Variants in ADAM11 observed in about 807,000 individuals in gnomAD.
The protein encoded by ADAM11 is disintegrin and metalloproteinase domain-containing protein 11.
A neutral mutation model predicts 119.1 loss-of-function variants in ADAM11; 49 were observed. That is an observed-to-expected ratio of 0.41 (90% CI 0.33 to 0.52). ADAM11 has a LOEUF of 0.52. Ranked by LOEUF, ADAM11 falls within the 20% of genes least tolerant of loss-of-function variation. The pLI is 0.20. For missense variants in ADAM11, 777 were observed against 1,047.5 expected (o/e 0.74, Z 3.56); for synonymous variants, 364 against 408.0 (o/e 0.89, Z 1.30).
At chr17:44,765,610 C>CTCTT (rs2049439181) in intron 2 of ADAM11, among the ~76,000 whole-genome samples, 2 of 99,874 alleles carry the variant, frequency 2.0e-5, no homozygotes, top group African/African-American at 8.0e-5. Flanking sequence ...TTTCTTTTCT[C>CTCTT]TTTTTTTTTT....
intron 2 of ADAM11, 97 bp from the exon 3 acceptor site, chr17:44,769,621 A>AAC: frequency 1.4e-5 from 10 of 704,840 alleles, no homozygotes; most frequent in Admixed American, 8.9e-5. Flanking sequence ...AGGGCTGGCC[A>AAC]CCCCTTCCCC....
intron 2 of ADAM11, among the ~76,000 whole-genome samples, chr17:44,762,730 C>T (rs1448465341): frequency 6.6e-6 from 1 of 152,084 alleles, no homozygotes; most frequent in African/African-American, 2.4e-5. Context: ...ATCTCAGTCC[C>T]ACCTACTACC....
intron 11 of ADAM11, 142 bp from the exon 12 acceptor site, chr17:44,774,153 G>A: frequency 2.0e-6 from 1 of 506,524 alleles, no homozygotes; most frequent in African/African-American, 2.0e-5. Context: ...GGTCTTGCCT[G>A]GGGTCACCAA....
At position 44,772,663 on chromosome 17, in the gene ADAM11, C is replaced by T. The variant is rs2049541650; in HGVS notation, c.679-194C>T. ...CTAATGCTGGCATCTACAGAGGCCC[C>T]ATCCTGGGCAAACCGAGGCTGCCTG... On this transcript the variant is annotated intron_variant, in intron 8 of 26. Coordinates refer to ENST00000200557, the MANE Select transcript of ADAM11 (RefSeq NM_002390.6). The surrounding 1 kb of genome is among the most constrained non-coding windows in gnomAD (Gnocchi z 4.5). Among the ~76,000 whole-genome samples, 1 of 152,180 alleles carries T rather than the reference C, an allele frequency of 6.6e-6. No individual in the cohort carries two copies. Among genetic ancestry groups the T allele is most frequent in the African/African-American group, 2.4e-5 (1 of 41,454 alleles).
In ADAM11 at chr17:44,766,745, C is replaced by T. The variant is rs571533925; in HGVS notation, c.238-2973C>T. On this transcript the variant is annotated intron_variant, in intron 2 of 26. Coordinates refer to ENST00000200557, the MANE Select transcript of ADAM11 (RefSeq NM_002390.6). ...TGGAGCATGTGAGAGCCTGGGCAGC[C>T]GGGGGAGCAAGAGACAAGTGCAGGG... 3.3e-5 allele frequency among the ~76,000 whole-genome samples: 5 copies of T among 151,932 alleles called. No individual in the cohort carries two copies. In the South Asian group the frequency reaches 6.2e-4, roughly 19 times the overall value.
intron 26 of ADAM11, 133 bp from the exon 27 acceptor site, chr17:44,779,606 A>G (rs1216801058): frequency 1.3e-6 from 2 of 1,486,356 alleles, no homozygotes; most frequent in East Asian, 2.4e-5. Context: ...GACCTCCCGC[A>G]GATCCCTTCC....
chr17:44,776,399 AC>A lies in ADAM11; in HGVS notation c.1566+194del, dbSNP rs1310108566. Among the ~76,000 whole-genome samples the A allele has an allele frequency of 2.0e-5, 3 of 152,048 alleles. No homozygotes were observed. In the East Asian group the frequency reaches 5.8e-4, roughly 29 times the overall value. On this transcript the variant is annotated intron_variant, in intron 18 of 26. Coordinates refer to ENST00000200557, the MANE Select transcript of ADAM11 (RefSeq NM_002390.6). This position sits in a 1 kb window ranked among gnomAD's most constrained non-coding sequence, Gnocchi z 5.2. ...CTGGCCTTGTTCCTTCAATCATTAA[AC>A]CAGAATGTATCGTCTGGCTGGTATT...
intron 25 of ADAM11, 143 bp from the exon 26 acceptor site, chr17:44,779,079 C>T (rs2049652274): frequency 1.9e-6 from 2 of 1,044,640 alleles, no homozygotes; most frequent in Non-Finnish European, 2.8e-6. Flanking sequence ...TCTCCCTGGC[C>T]CTTACATTAG....
chr17:44,765,344 G>T (rs1395215689), intron 2 of ADAM11, among the ~76,000 whole-genome samples: 4 of 152,034 alleles, frequency 2.6e-5, no homozygotes, highest in Non-Finnish European at 5.9e-5. Context: ...TTGCGGGAGG[G>T]GATTCCAGAA....
At position 44,772,800 on chromosome 17, in the gene ADAM11, C is replaced by T; in HGVS notation, c.679-57C>T. On this transcript the variant is annotated intron_variant, in intron 8 of 26. Coordinates refer to ENST00000200557, the MANE Select transcript of ADAM11 (RefSeq NM_002390.6). This position sits in a 1 kb window ranked among gnomAD's most constrained non-coding sequence, Gnocchi z 4.5. ...CCCACCGAGTCTGTTCCTGGCTTGG[C>T]CATGAGATCAGTCAGACATGGAAGG... 1.9e-6 allele frequency: 3 copies of T among 1,539,488 alleles called. No individual in the cohort carries two copies. Among genetic ancestry groups the T allele is most frequent in the Non-Finnish European group, 2.7e-6 (3 of 1,117,588 alleles).
rs566515861 is a variant in ADAM11, at chr17:44,778,688, CAAAAAAAA to C, written c.2276+464_2276+471del. Among the ~76,000 whole-genome samples, 142 of 52,428 alleles carry C rather than the reference CAAAAAAAA, an allele frequency of 2.7e-3. 1 individual carries two copies. Among genetic ancestry groups the C allele is most frequent in the South Asian group, 0.023 (30 of 1,322 alleles). 34.4% of individuals were successfully genotyped at this position (52,428 alleles called of 152,430 possible). ...CCTGGGTGACAGAGCAAGACTGCGT[CAAAAAAAA>C]AAAAAAAAAAAAAAAAAGAAAGAAA... On this transcript the variant is annotated intron_variant, in intron 25 of 26. Transcript: ENST00000200557.
chr17:44,776,089 C>A lies in ADAM11; in HGVS notation c.1486-38C>A, dbSNP rs375480113. On this transcript the variant is annotated intron_variant, in intron 17 of 26. Transcript: ENST00000200557. The surrounding 1 kb of genome is among the most constrained non-coding windows in gnomAD (Gnocchi z 5.2). ...CCTGGGGAGGGCAGGGCCGAGGCATCCATCCTGCCTGACTCGAGGAGCGCG... is the reference window on the plus strand; with the variant it reads ...CCTGGGGAGGGCAGGGCCGAGGCATACATCCTGCCTGACTCGAGGAGCGCG... 1 of 1,608,156 alleles carries A rather than the reference C, an allele frequency of 6.2e-7. No individual in the cohort carries two copies.
intron 2 of ADAM11, 37 bp downstream of exon 2, chr17:44,759,934 C>T: frequency 1.6e-6 from 2 of 1,258,024 alleles, no homozygotes; most frequent in Non-Finnish European, 2.0e-6. Flanking sequence ...GGGGCTGAAG[C>T]AGGCCTCAGA....
intron 3 of ADAM11, 91 bp downstream of exon 3, chr17:44,769,885 C>T: frequency 6.2e-7 from 1 of 1,603,240 alleles, no homozygotes; most frequent in Non-Finnish European, 8.5e-7. Flanking sequence ...GGGGGTTGGG[C>T]CTGGGCAGAG....
chr17:44,777,162 A>C lies in ADAM11; in HGVS notation c.1682-4A>C. The stretch of plus-strand genomic sequence containing the variant: ...TGGGGTCACTTGGCATCCTCTCCCC[A>C]CAGCGGCTGCTGATCGCTTCTGCTA... On this transcript the variant is annotated splice_polypyrimidine_tract_variant and splice_region_variant and intron_variant, in intron 20 of 26. Transcript: ENST00000200557. This position sits in a 1 kb window ranked among gnomAD's most constrained non-coding sequence, Gnocchi z 5.1. 1 of 1,596,450 alleles carries C rather than the reference A, an allele frequency of 6.3e-7. No individual in the cohort carries two copies. Among genetic ancestry groups the C allele is most frequent in the African/African-American group, 1.3e-5 (1 of 74,748 alleles).
chr17:44,775,668 C>G lies in ADAM11; in HGVS notation c.1477C>G (p.Arg493Gly). The change falls in exon 17 of 27, where the codon CGC becomes GGC. Residue 493 changes from arginine (R) to glycine (G), a missense_variant. Arg to Gly is a moderately radical substitution (Grantham distance 125). Around this residue, in one of 4 missense-constraint regions of ADAM11, gnomAD observed 348 missense variants for 486.7 expected, o/e 0.72. Coordinates refer to ENST00000200557, the MANE Select transcript of ADAM11 (RefSeq NM_002390.6). This position sits in a 1 kb window ranked among gnomAD's most constrained non-coding sequence, Gnocchi z 7.5. The stretch of plus-strand genomic sequence containing the variant: ...GTGCAGCGACGGGCTCTGCTGTCGC[C>G]GCTGCAAGGTAAGCAGGACCGGCCG... ...AMCSDGLCCR[R>G]CKYEPRGVSC... 1.9e-6 allele frequency: 3 copies of G among 1,584,748 alleles called. No individual in the cohort carries two copies. The highest frequency in any genetic ancestry group is 2.6e-6 in the Non-Finnish European group (3 of 1,167,360).
In ADAM11 at chr17:44,780,105, G is replaced by C; in HGVS notation, c.*351G>C. ...AGGCAGCCACCAGTGGACCTAGCCT[G>C]GATGGCCCCTCCTTGCAACCAGGCA... On this transcript the variant is annotated 3_prime_UTR_variant, in exon 27 of 27. Coordinates refer to ENST00000200557, the MANE Select transcript of ADAM11 (RefSeq NM_002390.6). The C allele has an allele frequency of 1.6e-6, 1 of 633,162 alleles. No homozygotes were observed. 39.2% of individuals were successfully genotyped at this position (633,162 alleles called of 1,614,324 possible). A position where few individuals can be genotyped will look rare whatever the true frequency, so the allele number is the denominator to read the frequency against.
Position 44,773,321 on chromosome 17 carries a change from G to A in ADAM11, c.886G>A (p.Gly296Arg). The change falls in exon 11 of 27, where the codon GGG (glycine) becomes AGG (arginine). Residue 296 changes from glycine to arginine, a missense_variant. This residue lies in a region of ADAM11 where 147 missense variants were observed against 223.3 expected (regional missense o/e 0.66). Coordinates refer to ENST00000200557, the MANE Select transcript of ADAM11 (RefSeq NM_002390.6). This position sits in a 1 kb window ranked among gnomAD's most constrained non-coding sequence, Gnocchi z 4.6. Reference protein sequence around the residue: ...VLVAMETWADGDKIQVQDDLL... With the variant: ...VLVAMETWADRDKIQVQDDLL... ...GGTTGCCATGGAAACATGGGCAGAT[G>A]GGGACAAGATCCAGGTGCAGGATGA... 1 of 1,614,006 alleles carries A rather than the reference G, an allele frequency of 6.2e-7. No homozygotes were observed. The highest frequency in any genetic ancestry group is 8.5e-7 in the Non-Finnish European group (1 of 1,180,010).
In ADAM11 at chr17:44,774,516, G is replaced by A. The variant is rs768247160; in HGVS notation, c.1102G>A (p.Val368Met). 8 of 1,613,150 alleles carry A rather than the reference G, an allele frequency of 5.0e-6. 1 individual carries two copies. In the East Asian group the frequency reaches 6.7e-5, roughly 13 times the overall value. The change falls in exon 13 of 27, where the codon GTG (valine) becomes ATG (methionine). Residue 368 changes from valine (V) to methionine (M), a missense_variant. Coordinates refer to ENST00000200557, the MANE Select transcript of ADAM11 (RefSeq NM_002390.6). ...GTACGGCAACATGGGGGCGATGGCC[G>A]TGACCCTTGCCCAGACGCTGGGACA... ...NEYGNMGAMAVTLAQTLGQNL... is the reference protein window; with the variant it reads ...NEYGNMGAMAMTLAQTLGQNL...
Sources: allele counts gnomAD v4.1 joint callset (sites outside exome capture counted in the v4.1 genomes callset), GRCh38; gene constraint gnomAD v4.1.1; regional missense constraint gnomAD v4.1.1; non-coding constraint Gnocchi (gnomAD v3.1); transcripts MANE v1.5; gene names NCBI Gene and HGNC (gene_info 2026-07-23, HGNC 2026-07-21).